STRN: variants seen among roughly 807,000 people sequenced by gnomAD.
The protein encoded by STRN is protein phosphatase 2 regulatory subunit B'''alpha.
A neutral mutation model predicts 96.3 loss-of-function variants in STRN; 53 were observed. That is an observed-to-expected ratio of 0.55 (90% CI 0.44 to 0.69). STRN has a LOEUF of 0.69. Ranked by LOEUF, STRN falls within the 30% of genes least tolerant of loss-of-function variation. The pLI is 0.00. For synonymous variants in STRN, 428 were observed against 355.9 expected (o/e 1.20, Z -2.28); for missense variants, 987 against 963.9 (o/e 1.02, Z -0.32).
At chr2:36,963,178 C>T (rs2148284203) in intron 1 of STRN, among the ~76,000 whole-genome samples, 1 of 152,254 alleles carries the variant, frequency 6.6e-6, no homozygotes, top group East Asian at 1.9e-4. Context: ...TTCCTTACTC[C>T]CAAGATCTGA....
intron 10 of STRN, among the ~76,000 whole-genome samples, chr2:36,876,289 T>G (rs572457387): frequency 1.3e-5 from 2 of 152,052 alleles, no homozygotes; most frequent in African/African-American, 2.4e-5. Flanking sequence ...AAAAAAATTT[T>G]TTTTTTGTAA....
intron 3 of STRN, among the ~76,000 whole-genome samples, chr2:36,908,329 A>C (rs1469752521): frequency 1.4e-4 from 21 of 152,220 alleles, no homozygotes; most frequent in Admixed American, 1.4e-3. Flanking sequence ...GTGATACAGC[A>C]AATCAATGGA....
At chr2:36,854,848 T>A (rs1398426821) in intron 15 of STRN, among the ~76,000 whole-genome samples, 2 of 152,198 alleles carry the variant, frequency 1.3e-5, no homozygotes, top group African/African-American at 4.8e-5. Context: ...TACCAAATCA[T>A]ACTATTAATA....
At chr2:36,889,909 T>C (rs1178505491) in intron 7 of STRN, among the ~76,000 whole-genome samples, 1 of 152,164 alleles carries the variant, frequency 6.6e-6, no homozygotes, top group Non-Finnish European at 1.5e-5. Flanking sequence ...GTGACTCATA[T>C]AATAGGCTAG....
chr2:36,889,970 G>A (rs974928102), intron 7 of STRN, among the ~76,000 whole-genome samples: 7 of 152,184 alleles, frequency 4.6e-5, no homozygotes, highest in African/African-American at 1.7e-4. Context: ...TGACTCACAC[G>A]TTAAAGTAAA....
intron 3 of STRN, among the ~76,000 whole-genome samples, chr2:36,912,784 T>C (rs1669996836): frequency 6.6e-6 from 1 of 152,164 alleles, no homozygotes; most frequent in South Asian, 2.1e-4. Flanking sequence ...CTGGCCATCT[T>C]CACTTGGTTA....
intron 9 of STRN, among the ~76,000 whole-genome samples, chr2:36,881,956 T>C (rs1054468191): frequency 6.6e-6 from 1 of 152,228 alleles, no homozygotes; most frequent in African/African-American, 2.4e-5. Context: ...ACATACCTAC[T>C]AAGGACCATG....
chr2:36,894,351 G>T (rs1276772619), intron 6 of STRN, among the ~76,000 whole-genome samples: 1 of 152,252 alleles, frequency 6.6e-6, no homozygotes, highest in African/African-American at 2.4e-5. Context: ...TCCTAACCTT[G>T]CATCAGTTTT....
intron 1 of STRN, among the ~76,000 whole-genome samples, chr2:36,934,559 G>A (rs1415610145): frequency 6.6e-6 from 1 of 152,166 alleles, no homozygotes; most frequent in Non-Finnish European, 1.5e-5. Flanking sequence ...ATGATTATCT[G>A]TTGATAGGTA....
At chr2:36,950,386 T>C (rs1421152772) in intron 1 of STRN, among the ~76,000 whole-genome samples, 2 of 152,044 alleles carry the variant, frequency 1.3e-5, no homozygotes, top group Non-Finnish European at 2.9e-5. Flanking sequence ...CAGCTAATGT[T>C]TGTATTTTTA....
chr2:36,906,008 C>G (rs192753522), intron 3 of STRN, among the ~76,000 whole-genome samples: 1 of 152,238 alleles, frequency 6.6e-6, no homozygotes, highest in Non-Finnish European at 1.5e-5. Context: ...TTAAAAATAA[C>G]TAAGGGTATA....
chr2:36,894,922 A>T (rs1292167028), intron 6 of STRN, among the ~76,000 whole-genome samples: 1 of 152,188 alleles, frequency 6.6e-6, no homozygotes, highest in Non-Finnish European at 1.5e-5. Flanking sequence ...AACAAGATAC[A>T]GCCTCAGAAA....
At chr2:36,906,217 A>C (rs1439627548) in intron 3 of STRN, among the ~76,000 whole-genome samples, 1 of 152,184 alleles carries the variant, frequency 6.6e-6, no homozygotes, top group Non-Finnish European at 1.5e-5. Context: ...TAATCCCAGC[A>C]ATTTGGGAGG....
At chr2:36,946,967 C>T (rs1025999847) in intron 1 of STRN, among the ~76,000 whole-genome samples, 1 of 151,938 alleles carries the variant, frequency 6.6e-6, no homozygotes, top group Non-Finnish European at 1.5e-5. Context: ...GAGATTTCGG[C>T]TCACTGCAAC....
chr2:36,858,377 C>G (rs1668402201), intron 13 of STRN, among the ~76,000 whole-genome samples: 1 of 152,190 alleles, frequency 6.6e-6, no homozygotes, highest in South Asian at 2.1e-4. Context: ...ACAACTCACA[C>G]TCCCTGAGGA....
chr2:36,866,115 CCCAGG>C (rs1668615674), intron 12 of STRN, among the ~76,000 whole-genome samples: 1 of 152,084 alleles, frequency 6.6e-6, no homozygotes, highest in Non-Finnish European at 1.5e-5. Context: ...CGCTCTGTTT[CCCAGG>C]CTGGTGTGCA....
chr2:36,870,510 G>A (rs955367465), intron 10 of STRN, among the ~76,000 whole-genome samples: 1 of 152,072 alleles, frequency 6.6e-6, no homozygotes, highest in Admixed American at 6.6e-5. Context: ...ATATGATGCT[G>A]GTCCCATAAA....
At chr2:36,889,740 T>G (rs1669337760) in intron 7 of STRN, among the ~76,000 whole-genome samples, 1 of 152,150 alleles carries the variant, frequency 6.6e-6, no homozygotes, top group African/African-American at 2.4e-5. Context: ...AAGTGAACCC[T>G]TTGAATCTGA....
At chr2:36,897,300 T>G (rs1463347990) in intron 6 of STRN, among the ~76,000 whole-genome samples, 1 of 152,130 alleles carries the variant, frequency 6.6e-6, no homozygotes, top group Non-Finnish European at 1.5e-5. Flanking sequence ...CAGAATTAGG[T>G]TGTTAAAGTC....
Sources: gnomAD v4.1 joint callset for allele counts (sites outside exome capture counted in the v4.1 genomes callset) on GRCh38, gnomAD v4.1.1 for gene constraint, MANE v1.5 for transcripts, NCBI Gene and HGNC (gene_info 2026-07-23, HGNC 2026-07-21) for gene names.